The following MTMR8 variants were observed in gnomAD, a reference collection of about 807,000 sequenced individuals.
MTMR8 encodes the protein myotubularin related protein 8.
MTMR8 carries 65 observed loss-of-function variants against 39.3 expected under a neutral mutation model. The ratio of observed to expected loss-of-function variants is 1.65; its 90% CI spans 1.35 to 2.03. The LOEUF (loss-of-function observed/expected upper bound fraction) is 2.03, where lower values mean the gene tolerates loss of function less well. MTMR8 is among the 30% of genes most tolerant of loss of function. The probability of loss-of-function intolerance (pLI) is 0.00; values close to 1 mark genes in which losing one functional copy is unlikely to be tolerated. For missense variants in MTMR8, 777 were observed against 538.9 expected, an observed-to-expected ratio of 1.44 and a Z score of -4.37; for synonymous variants, 245 against 185.2, an observed-to-expected ratio of 1.32 and a Z score of -2.62.
chrX:64,391,926 T>C (rs1167068034), intron 1 of MTMR8, among the ~76,000 whole-genome samples: 3 of 112,043 alleles, frequency 2.7e-5, no homozygotes, highest in African/African-American at 6.5e-5. Context: ...GCTCAATAAA[T>C]GTTAATTGCA....
intron 1 of MTMR8, among the ~76,000 whole-genome samples, chrX:64,383,245 G>A (rs1924477063): frequency 9.1e-6 from 1 of 110,211 alleles, no homozygotes; most frequent in Non-Finnish European, 1.9e-5. Flanking sequence ...TACAAGCTAG[G>A]AAGGCATTCA....
intron 12 of MTMR8, among the ~76,000 whole-genome samples, chrX:64,324,336 T>C (rs1427534699): frequency 3.6e-5 from 4 of 111,603 alleles, no homozygotes; most frequent in African/African-American, 1.3e-4. Flanking sequence ...TACTGCAGCT[T>C]GGTAAACAGA....
intron 12 of MTMR8, among the ~76,000 whole-genome samples, chrX:64,310,643 G>A (rs1413942597): frequency 9.1e-6 from 1 of 110,424 alleles, no homozygotes; most frequent in African/African-American, 3.3e-5. Context: ...AATGCTATCC[G>A]TCCCCTAGCC....
intron 4 of MTMR8, among the ~76,000 whole-genome samples, chrX:64,352,073 A>G: frequency 8.9e-6 from 1 of 112,009 alleles, no homozygotes; most frequent in Non-Finnish European, 1.9e-5. Flanking sequence ...TTGTACAAAC[A>G]ATGTGGCTTA....
At position 64,371,298 on chromosome X, in the gene MTMR8, G is replaced by T. The variant is rs1924125999; in HGVS notation, c.25-11771C>A. ...ACATGAACAGATAATTCACATAAGA[G>T]AAAATAAAAATGTGATGAGTTAAAT... On this transcript the variant is annotated intron_variant, in intron 1 of 13. Coordinates refer to ENST00000374852, the MANE Select transcript of MTMR8 (RefSeq NM_017677.4). 2.7e-5 allele frequency among the ~76,000 whole-genome samples: 3 copies of T among 112,162 alleles called. No individual in the cohort carries two copies. The Admixed American group carries it at 2.8e-4, about 11-fold the overall frequency.
intron 1 of MTMR8, among the ~76,000 whole-genome samples, chrX:64,375,248 A>G (rs1385478538): frequency 9.2e-6 from 1 of 109,136 alleles, no homozygotes; most frequent in South Asian, 4.0e-4. Context: ...GCTACTCAGG[A>G]GACTGAGGAG....
At chrX:64,364,786 C>A (rs751669848) in intron 1 of MTMR8, among the ~76,000 whole-genome samples, 1 of 111,824 alleles carries the variant, frequency 8.9e-6, no homozygotes, top group South Asian at 3.8e-4. Context: ...CAGAAGTAGG[C>A]ATCAGAAGGT....
intron 12 of MTMR8, among the ~76,000 whole-genome samples, chrX:64,312,799 C>T: frequency 8.9e-6 from 1 of 112,311 alleles, no homozygotes; most frequent in Middle Eastern, 4.6e-3. Flanking sequence ...GCCATGAAAA[C>T]ATTCATCTGC....
intron 1 of MTMR8, among the ~76,000 whole-genome samples, chrX:64,364,108 A>T (rs1397250732): frequency 1.8e-5 from 2 of 112,468 alleles, no homozygotes; most frequent in South Asian, 7.3e-4. Flanking sequence ...GGCAGAGCCC[A>T]CTGCAACTCT....
intron 1 of MTMR8, among the ~76,000 whole-genome samples, chrX:64,392,960 A>G (rs1249046985): frequency 5.4e-5 from 6 of 111,768 alleles, no homozygotes; most frequent in African/African-American, 2.0e-4. Flanking sequence ...TGAGAAAAAA[A>G]CAGACTCACA....
intron 8 of MTMR8, among the ~76,000 whole-genome samples, chrX:64,339,392 T>G (rs1025181454): frequency 2.7e-5 from 3 of 110,879 alleles, no homozygotes; most frequent in African/African-American, 9.9e-5. Context: ...GAGGTCAAAA[T>G]AGAGTGAAGA....
At chrX:64,312,430 C>T (rs922406057) in intron 12 of MTMR8, among the ~76,000 whole-genome samples, 1 of 111,814 alleles carries the variant, frequency 8.9e-6, no homozygotes, top group Non-Finnish European at 1.9e-5. Context: ...GACACGGATG[C>T]CCTCTCTCAC....
chrX:64,283,130 A>G (rs1190600594), intron 12 of MTMR8, among the ~76,000 whole-genome samples: 1 of 112,009 alleles, frequency 8.9e-6, no homozygotes, highest in East Asian at 2.8e-4. Flanking sequence ...CCACCCTAAT[A>G]CTGCGCTTTT....
At chrX:64,270,005 C>T (rs1931723079) in intron 13 of MTMR8, among the ~76,000 whole-genome samples, 3 of 110,785 alleles carry the variant, frequency 2.7e-5, no homozygotes, top group Non-Finnish European at 5.7e-5. Context: ...AATAATAGGG[C>T]ACCTTCCCTG....
At chrX:64,371,868 C>T (rs1046885564) in intron 1 of MTMR8, among the ~76,000 whole-genome samples, 2 of 109,921 alleles carry the variant, frequency 1.8e-5, no homozygotes, top group Admixed American at 2.0e-4. Flanking sequence ...TAGGTAGGTG[C>T]CTTTCACATA....
At chrX:64,302,433 G>GTT (rs1921924724) in intron 12 of MTMR8, among the ~76,000 whole-genome samples, 4 of 112,050 alleles carry the variant, frequency 3.6e-5, no homozygotes, top group African/African-American at 1.3e-4. Context: ...CTCGCGGACG[G>GTT]TGCGCACACC....
Position 64,280,470 on chromosome X carries a change from C to A in MTMR8, c.1482-9397G>T, listed in dbSNP as rs975729170. ...AACCACATAATTATCTCAATAGATG[C>A]AGAAAAGGCCTTCGATAAAATTCAA... On this transcript the variant is annotated intron_variant, in intron 12 of 13. Transcript: ENST00000374852. Among the ~76,000 whole-genome samples, 6 of 111,788 alleles carry A rather than the reference C, an allele frequency of 5.4e-5. No individual in the cohort carries two copies. In the Admixed American group the frequency reaches 5.7e-4, roughly 11 times the overall value.
At chrX:64,336,512 T>C (rs1273767855) in intron 9 of MTMR8, among the ~76,000 whole-genome samples, 2 of 104,389 alleles carry the variant, frequency 1.9e-5, no homozygotes, top group African/African-American at 7.4e-5. Flanking sequence ...AAAAAAAAAA[T>C]TCTAGCCAGG....
At chrX:64,367,982 A>G (rs992378077) in intron 1 of MTMR8, among the ~76,000 whole-genome samples, 3 of 111,977 alleles carry the variant, frequency 2.7e-5, no homozygotes, top group Non-Finnish European at 3.8e-5. Context: ...AGAGAGCCAA[A>G]TCATGAGTGA....
Sources: allele counts gnomAD v4.1 joint callset (sites outside exome capture counted in the v4.1 genomes callset), GRCh38; gene constraint gnomAD v4.1.1; transcripts MANE v1.5; gene names NCBI Gene and HGNC (gene_info 2026-07-23, HGNC 2026-07-21).